KANK1: variants seen among roughly 807,000 people sequenced by gnomAD.
KANK1 encodes KN motif and ankyrin repeat domain-containing protein 1.
In KANK1, 109 loss-of-function variants were observed where a neutral mutation model predicts 106.2. The ratio of observed to expected loss-of-function variants is 1.03; its 90% confidence interval spans 0.88 to 1.20. KANK1 has a LOEUF of 1.20. KANK1 is among the 50% of genes most tolerant of loss of function. The pLI is 0.00. For synonymous variants in KANK1, 873 were observed against 652.2 expected, an observed-to-expected ratio of 1.34 and a Z score of -5.16; for missense variants, 2,399 against 1,710.7, an observed-to-expected ratio of 1.40 and a Z score of -7.10.
intron 1 of KANK1, among the ~76,000 whole-genome samples, chr9:630,248 A>T (rs1489293683): frequency 1.3e-5 from 2 of 151,028 alleles, no homozygotes; most frequent in African/African-American, 4.9e-5. Context: ...ACTCTGTCTT[A>T]AAAAAAAGAA....
At chr9:684,387 G>A (rs1588892627) in intron 2 of KANK1, 3 of 985,164 alleles carry the variant, frequency 3.0e-6, no homozygotes, top group Admixed American at 6.2e-5. Context: ...AACTTTATAG[G>A]TGCCAACAAG....
At chr9:617,717 T>G (rs28391404) in intron 1 of KANK1, among the ~76,000 whole-genome samples, 2,744 of 152,314 alleles carry the variant, frequency 0.018, 94 homozygotes, top group African/African-American at 0.063. Flanking sequence ...TCTGCACCTC[T>G]CTTCCTCAGC....
At chr9:620,363 C>G (rs1832856668) in intron 1 of KANK1, among the ~76,000 whole-genome samples, 1 of 152,106 alleles carries the variant, frequency 6.6e-6, no homozygotes, top group Non-Finnish European at 1.5e-5. Flanking sequence ...TAGTAAACAA[C>G]ACGTAATTCT....
intron 1 of KANK1, among the ~76,000 whole-genome samples, chr9:528,280 A>T (rs1351228385): frequency 6.6e-6 from 1 of 151,996 alleles, no homozygotes; most frequent in African/African-American, 2.4e-5. Flanking sequence ...ACATTTAAAA[A>T]ATTATATTTA....
chr9:597,970 A>G lies in KANK1; in HGVS notation c.-83-78920A>G, dbSNP rs565521520. Reference sequence around the variant, plus strand: ...GTGAGCCACCACCCCTGGCCTCCCTATGTTTTCTTCTAAGAAGTTATGCTT... The same window carrying G: ...GTGAGCCACCACCCCTGGCCTCCCTGTGTTTTCTTCTAAGAAGTTATGCTT... On this transcript the variant is annotated intron_variant, in intron 1 of 11. Transcript: ENST00000382297. Among the ~76,000 whole-genome samples the G allele has an allele frequency of 4.2e-4, 63 of 151,574 alleles. 1 individual carries two copies. The highest frequency in any genetic ancestry group is 7.8e-4 in the Non-Finnish European group (53 of 67,920).
chr9:594,054 G>C lies in KANK1; in HGVS notation c.-83-82836G>C, dbSNP rs147182134. ...GCCCTGGGGTCTGATCTATGGTGCT[G>C]CGCTCGAGAGAACTGTAAGGTCTGC... On this transcript the variant is annotated intron_variant, in intron 1 of 11. Coordinates refer to ENST00000382297, the MANE Select transcript of KANK1 (RefSeq NM_015158.5). 1.1e-3 allele frequency among the ~76,000 whole-genome samples: 171 copies of C among 151,990 alleles called. 3 individuals are homozygous for C. The highest frequency in any genetic ancestry group is 4.0e-3 in the African/African-American group (164 of 41,242).
intron 1 of KANK1, among the ~76,000 whole-genome samples, chr9:573,262 TTTA>T (rs376782211): frequency 3.1e-4 from 47 of 151,748 alleles, no homozygotes; most frequent in African/African-American, 8.0e-4. Flanking sequence ...AAAATGAGGA[TTTA>T]TTATTATTAT....
chr9:738,453 T>TA lies in KANK1; in HGVS notation c.3503dup (p.Tyr1168Ter). 2 of 1,614,164 alleles carry TA rather than the reference T, an allele frequency of 1.2e-6. No individual in the cohort carries two copies. Among genetic ancestry groups the TA allele is most frequent in the Non-Finnish European group, 1.7e-6 (2 of 1,180,028 alleles). The change falls in exon 8 of 12, where the codon TAC (tyrosine) becomes TAAC (stop). Residue 1168 changes from tyrosine to a stop codon, truncating the protein, a stop_gained and frameshift_variant. Coordinates refer to ENST00000382297, the MANE Select transcript of KANK1 (RefSeq NM_015158.5). LOFTEE classifies it high-confidence loss of function. ...CGGCAACGGCAACACAGCCCTCCAT[T>TA]ACAGCGTGTCCCACTCCAACTTCGA... is the stretch of plus-strand genomic sequence containing the variant. ...ADGNGNTALHYSVSHSNFEIV... is the reference protein window; with the variant it reads ...ADGNGNTALH
chr9:642,677 A>G (rs1439901450), intron 1 of KANK1, among the ~76,000 whole-genome samples: 3 of 150,764 alleles, frequency 2.0e-5, no homozygotes, highest in Non-Finnish European at 4.4e-5. Flanking sequence ...CTTTTGTGGC[A>G]GGTAACTCTT....
chr9:521,433 G>C (rs1015388825), intron 1 of KANK1, among the ~76,000 whole-genome samples: 1 of 151,474 alleles, frequency 6.6e-6, no homozygotes, highest in African/African-American at 2.4e-5. Context: ...TGCTGCACTT[G>C]GGGTTCTTCC....
intron 1 of KANK1, among the ~76,000 whole-genome samples, chr9:535,225 C>T (rs563193769): frequency 1.3e-5 from 2 of 152,296 alleles, no homozygotes; most frequent in Non-Finnish European, 2.9e-5. Flanking sequence ...ATGTCCCTTG[C>T]TTTTGGAATA....
chr9:663,261 C>T (rs1410491829), intron 1 of KANK1, among the ~76,000 whole-genome samples: 1 of 152,172 alleles, frequency 6.6e-6, no homozygotes, highest in South Asian at 2.1e-4. Flanking sequence ...CATTGTTGTT[C>T]TTTAATGCTT....
rs904701553 is a variant in KANK1, at chr9:629,789, A to G, written c.-83-47101A>G. Among the ~76,000 whole-genome samples, 5 of 152,214 alleles carry G rather than the reference A, an allele frequency of 3.3e-5. No homozygotes were observed. The East Asian group carries it at 7.7e-4, about 23-fold the overall frequency. On this transcript the variant is annotated intron_variant, in intron 1 of 11. Coordinates refer to ENST00000382297, the MANE Select transcript of KANK1 (RefSeq NM_015158.5). Reference sequence around the variant, plus strand: ...ATAACAAAGTAGAGAGGAGAATTAGACGAATGGGCACCCCAATCAGTGATT... The same window carrying G: ...ATAACAAAGTAGAGAGGAGAATTAGGCGAATGGGCACCCCAATCAGTGATT...
intron 3 of KANK1, among the ~76,000 whole-genome samples, chr9:482,958 C>G (rs2058231600): frequency 6.6e-6 from 1 of 152,202 alleles, no homozygotes; most frequent in African/African-American, 2.4e-5. Flanking sequence ...AGTATTCACA[C>G]TATAGAGGCT....
Position 745,576 on chromosome 9 carries a change from A to G in KANK1, c.*341A>G, listed in dbSNP as rs1235880260. ...TGTCTGGTTCTCACTGAGACGTTTT[A>G]AGATTTTTCCACAAATATTTATATG... On this transcript the variant is annotated 3_prime_UTR_variant, in exon 12 of 12. Coordinates refer to ENST00000382297, the MANE Select transcript of KANK1 (RefSeq NM_015158.5). The G allele has an allele frequency of 1.7e-5, 3 of 173,794 alleles. No individual in the cohort carries two copies. The highest frequency in any genetic ancestry group is 7.1e-5 in the African/African-American group (3 of 42,342). The allele number at this position is 173,794 out of a possible 1,614,324, so 10.8% of individuals were successfully genotyped here.
chr9:675,197 C>G (rs949059309), intron 1 of KANK1, among the ~76,000 whole-genome samples: 1 of 151,982 alleles, frequency 6.6e-6, no homozygotes, highest in Non-Finnish European at 1.5e-5. Flanking sequence ...TTTTGTTTTT[C>G]TTTTAACCAA....
At chr9:596,397 C>G (rs932159221) in intron 1 of KANK1, among the ~76,000 whole-genome samples, 1 of 151,744 alleles carries the variant, frequency 6.6e-6, no homozygotes, top group Non-Finnish European at 1.5e-5. Context: ...AGGTTAAGTT[C>G]GGGTAGAGAA....
chr9:566,561 C>T (rs560157496), intron 1 of KANK1, among the ~76,000 whole-genome samples: 24 of 152,226 alleles, frequency 1.6e-4, no homozygotes, highest in African/African-American at 3.9e-4. Context: ...CTGACAGGTG[C>T]GAGATGGTAT....
At chr9:474,353 C>T (rs1457076333) in intron 3 of KANK1, among the ~76,000 whole-genome samples, 1 of 152,180 alleles carries the variant, frequency 6.6e-6, no homozygotes. Context: ...AGTTCAATGC[C>T]TTGTCCTGTC....
Sources: allele counts gnomAD v4.1 joint callset (sites outside exome capture counted in the v4.1 genomes callset), GRCh38; gene constraint gnomAD v4.1.1; transcripts MANE v1.5; gene names NCBI Gene and HGNC (gene_info 2026-07-23, HGNC 2026-07-21).